The following SHROOM2 variants were observed in gnomAD, a reference collection of about 807,000 sequenced individuals.
SHROOM2 encodes shroom family member 2, also known as protein Shroom2.
Under a neutral mutation model 75.9 loss-of-function variants are expected in SHROOM2, and 33 were observed. The observed-to-expected ratio is 0.43, with a 90% CI of 0.33 to 0.58. SHROOM2 has a LOEUF of 0.58. Ranked by LOEUF, SHROOM2 falls within the 20% of genes least tolerant of loss-of-function variation. The probability of loss-of-function intolerance (pLI) is 0.04; values close to 1 mark genes in which losing one functional copy is unlikely to be tolerated. For synonymous variants in SHROOM2, 655 were observed against 663.6 expected (o/e 0.99, Z 0.20); for missense variants, 1,434 against 1,461.2 (o/e 0.98, Z 0.30).
At chrX:9,929,477 AC>A (rs1468026720) in intron 5 of SHROOM2, among the ~76,000 whole-genome samples, 6 of 110,661 alleles carry the variant, frequency 5.4e-5, no homozygotes, top group Non-Finnish European at 7.6e-5. Flanking sequence ...GCCTGTGGGC[AC>A]CTTCTGATTA....
rs745755188 is a variant in SHROOM2, at chrX:9,944,997, T to C, written c.4584+84T>C. On this transcript the variant is annotated intron_variant, in intron 9 of 9. Transcript: ENST00000380913. ...TCAAGTGTCGTGAAAGTCAGCTCCT[T>C]GGAGCCTAGCATAGCTTCCACATGG... is the stretch of plus-strand genomic sequence containing the variant. 1.3e-4 allele frequency: 130 copies of C among 1,031,757 alleles called. No individual in the cohort carries two copies. In the African/African-American group the frequency reaches 2.2e-3, roughly 18 times the overall value. 85.0% of individuals were successfully genotyped at this position (1,031,757 alleles called of 1,213,427 possible).
intron 1 of SHROOM2, among the ~76,000 whole-genome samples, chrX:9,830,008 T>G (rs2083907356): frequency 9.0e-6 from 1 of 111,081 alleles, no homozygotes; most frequent in African/African-American, 3.3e-5. Context: ...TACATTAGAT[T>G]ATTTCAGATT....
intron 5 of SHROOM2, among the ~76,000 whole-genome samples, chrX:9,914,489 T>G (rs945787582): frequency 9.0e-6 from 1 of 110,972 alleles, no homozygotes; most frequent in African/African-American, 3.3e-5. Context: ...GCTGATGTCT[T>G]GTATCCACCC....
chrX:9,912,250 C>T (rs1050550800), intron 5 of SHROOM2, among the ~76,000 whole-genome samples: 15 of 51,460 alleles, frequency 2.9e-4, no homozygotes, highest in Admixed American at 8.5e-4. Flanking sequence ...CACACACACA[C>T]ATAAAGGAAG....
chrX:9,813,323 C>T (rs978120785), intron 1 of SHROOM2, among the ~76,000 whole-genome samples: 2 of 110,830 alleles, frequency 1.8e-5, no homozygotes, highest in East Asian at 5.6e-4. Context: ...CACTGTAAGT[C>T]GGACCTGAGC....
At chrX:9,808,637 G>A (rs1246237643) in intron 1 of SHROOM2, among the ~76,000 whole-genome samples, 1 of 110,142 alleles carries the variant, frequency 9.1e-6, no homozygotes, top group Non-Finnish European at 1.9e-5. Flanking sequence ...CAAGGTGGGT[G>A]GATCACCTGA....
chrX:9,932,537 C>T lies in SHROOM2; in HGVS notation c.3254C>T (p.Ala1085Val). ...YRATDGAPADAPVGVLGRPFP... is the reference protein window; with the variant it reads ...YRATDGAPADVPVGVLGRPFP... Reference sequence around the variant, plus strand: ...GCCACAGACGGCGCACCTGCTGACGCCCCCGTGGGCGTCCTCGGCAGGCCC... The same window carrying T: ...GCCACAGACGGCGCACCTGCTGACGTCCCCGTGGGCGTCCTCGGCAGGCCC... The change falls in exon 6 of 10, where the codon GCC (alanine) becomes GTC (valine). Residue 1085 changes from alanine to valine, a missense_variant. Physicochemically the swap from Ala to Val is moderately conservative, Grantham distance 64. This residue lies in a region of SHROOM2 where 1,340 missense variants were observed against 1,338.3 expected (regional missense o/e 1.00). Transcript: ENST00000380913. 1 of 1,211,154 alleles carries T rather than the reference C, an allele frequency of 8.3e-7. No homozygotes were observed. Among genetic ancestry groups the T allele is most frequent in the Non-Finnish European group, 1.1e-6 (1 of 895,237 alleles).
intron 1 of SHROOM2, among the ~76,000 whole-genome samples, chrX:9,823,369 A>G (rs2083870558): frequency 9.1e-6 from 1 of 110,294 alleles, no homozygotes; most frequent in African/African-American, 3.3e-5. Flanking sequence ...CAGCCTCCCA[A>G]GTAGCTGGGA....
intron 3 of SHROOM2, among the ~76,000 whole-genome samples, chrX:9,891,933 C>A (rs1246514148): frequency 2.7e-5 from 3 of 109,479 alleles, no homozygotes; most frequent in African/African-American, 1.0e-4. Context: ...GTGTTTGGAG[C>A]TAATGTAACC....
At chrX:9,794,452 C>T (rs1051798176) in intron 1 of SHROOM2, among the ~76,000 whole-genome samples, 8 of 111,487 alleles carry the variant, frequency 7.2e-5, no homozygotes, top group African/African-American at 2.3e-4. Flanking sequence ...TCACTGCAAC[C>T]TCCGCCTCCC....
intron 1 of SHROOM2, among the ~76,000 whole-genome samples, chrX:9,848,810 A>G (rs1282436550): frequency 9.0e-6 from 1 of 111,126 alleles, no homozygotes; most frequent in Admixed American, 9.6e-5. Context: ...GAAGCTCTCA[A>G]TAGTAACGTG....
chrX:9,836,273 T>C (rs1283066789), intron 1 of SHROOM2, among the ~76,000 whole-genome samples: 2 of 111,961 alleles, frequency 1.8e-5, no homozygotes, highest in African/African-American at 6.5e-5. Flanking sequence ...CAGTTTTCTC[T>C]CTAAAAAGAG....
At chrX:9,879,510 C>G (rs778669725) in intron 2 of SHROOM2, among the ~76,000 whole-genome samples, 9 of 112,489 alleles carry the variant, frequency 8.0e-5, no homozygotes, top group African/African-American at 2.9e-4. Context: ...ATCTGCCCCA[C>G]TTGGCCTGCC....
intron 5 of SHROOM2, among the ~76,000 whole-genome samples, chrX:9,928,185 G>A (rs1200673060): frequency 8.9e-6 from 1 of 112,152 alleles, no homozygotes; most frequent in Non-Finnish European, 1.9e-5. Flanking sequence ...TGGCAGGGCC[G>A]TGGGCTCCAT....
At position 9,910,793 on chromosome X, in the gene SHROOM2, G is replaced by A. The variant is rs373663058; in HGVS notation, c.2891+12503G>A. On this transcript the variant is annotated intron_variant, in intron 5 of 9. Transcript: ENST00000380913. ...GATGGTGCCACTGCGCTTTTGCCTG[G>A]GTGACAGAGTGAGACTCCATCTCAA... 3.7e-3 allele frequency among the ~76,000 whole-genome samples: 395 copies of A among 105,893 alleles called. 1 individual carries two copies. The highest frequency in any genetic ancestry group is 0.013 in the African/African-American group (367 of 28,293). 92.0% of individuals were successfully genotyped at this position (105,893 alleles called of 115,157 possible).
intron 1 of SHROOM2, among the ~76,000 whole-genome samples, chrX:9,806,076 A>G (rs1484405037): frequency 9.0e-6 from 1 of 110,855 alleles, no homozygotes; most frequent in African/African-American, 3.3e-5. Context: ...CAGACACTGA[A>G]TCCGCCATGT....
At chrX:9,824,580 C>T (rs1406835474) in intron 1 of SHROOM2, among the ~76,000 whole-genome samples, 1 of 112,151 alleles carries the variant, frequency 8.9e-6, no homozygotes, top group African/African-American at 3.2e-5. Context: ...CCCCTCCCCA[C>T]AAAGAAATAA....
chrX:9,837,631 G>C (rs2083953930), intron 1 of SHROOM2, among the ~76,000 whole-genome samples: 2 of 112,366 alleles, frequency 1.8e-5, no homozygotes, highest in African/African-American at 6.5e-5. Flanking sequence ...TCCTTGTCTT[G>C]CTTGGCTTTT....
chrX:9,906,543 C>T (rs1407028055), intron 5 of SHROOM2, among the ~76,000 whole-genome samples: 1 of 112,679 alleles, frequency 8.9e-6, no homozygotes, highest in East Asian at 2.8e-4. Context: ...GCCTGTAATC[C>T]CAGCACTCTG....
Sources: allele counts gnomAD v4.1 joint callset (sites outside exome capture counted in the v4.1 genomes callset), GRCh38; gene constraint gnomAD v4.1.1; regional missense constraint gnomAD v4.1.1; transcripts MANE v1.5; gene names NCBI Gene and HGNC (gene_info 2026-07-23, HGNC 2026-07-21).